The following KIR3DL2 variants were observed in gnomAD, a reference collection of about 807,000 sequenced individuals.
KIR3DL2 encodes killer cell immunoglobulin like receptor, three Ig domains and long cytoplasmic tail 2, also known as killer cell immunoglobulin-like receptor 3DL2.
In KIR3DL2, 42 loss-of-function variants were observed where a neutral mutation model predicts 41.6. The observed-to-expected ratio is 1.01, with a 90% CI of 0.79 to 1.31. The LOEUF (loss-of-function observed/expected upper bound fraction) is 1.31, where lower values mean the gene tolerates loss of function less well. KIR3DL2 is among the 50% of genes most tolerant of loss of function. The pLI, the probability that KIR3DL2 is intolerant of heterozygous loss-of-function variation, is 0.00. For synonymous variants in KIR3DL2, 230 were observed against 221.3 expected (o/e 1.04, Z -0.35); for missense variants, 728 against 576.8 (o/e 1.26, Z -2.68).
intron 4 of KIR3DL2, among the ~76,000 whole-genome samples, chr19:54,855,051 G>GATC (rs2145606856): frequency 1.2e-5 from 1 of 84,488 alleles, no homozygotes; most frequent in South Asian, 4.3e-4. Flanking sequence ...AGATGATGAT[G>GATC]ATGATGATGA....
In KIR3DL2 at chr19:54,851,098, G is replaced by A. The variant is rs1032879912; in HGVS notation, c.35-122G>A. ...CCCTGTTCTTGGCAGCAGGTAGCAG[G>A]GAGGCTAAGTTTACCTTCAGCCCAG... On this transcript the variant is annotated intron_variant, in intron 1 of 8. Coordinates refer to ENST00000326321, the MANE Select transcript of KIR3DL2 (RefSeq NM_006737.4). 11 of 1,229,816 alleles carry A rather than the reference G, an allele frequency of 8.9e-6. No individual in the cohort carries two copies. The African/African-American group carries it at 1.4e-4, about 15-fold the overall frequency. The allele number at this position is 1,229,816 out of a possible 1,614,324, so 76.2% of individuals were successfully genotyped here. A position where few individuals can be genotyped will look rare whatever the true frequency, so the allele number is the denominator to read the frequency against.
intron 4 of KIR3DL2, among the ~76,000 whole-genome samples, chr19:54,854,575 C>T (rs1231626853): frequency 6.6e-6 from 1 of 151,750 alleles, no homozygotes; most frequent in Non-Finnish European, 1.5e-5. Context: ...CCCCTAAATA[C>T]TGTGTGTACT....
chr19:54,856,101 C>T (rs2064755665), intron 5 of KIR3DL2, among the ~76,000 whole-genome samples, 189 bp downstream of exon 5: 1 of 151,392 alleles, frequency 6.6e-6, no homozygotes, highest in East Asian at 1.9e-4. Context: ...TGCATGGAGG[C>T]CCATGGTCAG....
rs372787529 is a variant in KIR3DL2, at chr19:54,852,011, A to G, written c.84A>G (p.Lys28=). 301 of 1,607,562 alleles carry G rather than the reference A, an allele frequency of 1.9e-4. 1 individual carries two copies. The highest frequency in any genetic ancestry group is 5.0e-4 in the Middle Eastern group (3 of 6,028). ...CTTCTCCCCCAGGTGGTCAGGACAAACCCTTCCTGTCTGCCCGGCCCAGCA... is the reference window on the plus strand; with the variant it reads ...CTTCTCCCCCAGGTGGTCAGGACAAGCCCTTCCTGTCTGCCCGGCCCAGCA... The part of the protein sequence containing the change: ...GAWPLMGGQD[K]PFLSARPSTV... Residue 28 remains lysine, a synonymous_variant, in exon 3 of 9, where the codon AAA becomes AAG. Coordinates refer to ENST00000326321, the MANE Select transcript of KIR3DL2 (RefSeq NM_006737.4).
intron 5 of KIR3DL2, among the ~76,000 whole-genome samples, chr19:54,856,244 G>A (rs1278387217): frequency 6.6e-6 from 1 of 151,400 alleles, no homozygotes; most frequent in Non-Finnish European, 1.5e-5. Context: ...GCCCATCCTG[G>A]CCTCTCACCC....
At position 54,859,131 on chromosome 19, in the gene KIR3DL2, T is replaced by C. The variant is rs1304500356; in HGVS notation, c.1000+2T>C. 1.3e-5 allele frequency: 21 copies of C among 1,611,906 alleles called. No homozygotes were observed. Among genetic ancestry groups the C allele is most frequent in the Non-Finnish European group, 5.9e-6 (7 of 1,178,344 alleles). Reference sequence around the variant, plus strand: ...CCACAGAACCAAGCTCCAAATCTGGTGAGTAAAGGACCCCTCTTATCTCTG... The same window carrying C: ...CCACAGAACCAAGCTCCAAATCTGGCGAGTAAAGGACCCCTCTTATCTCTG... On this transcript the variant is annotated splice_donor_variant, in intron 6 of 8. Coordinates refer to ENST00000326321, the MANE Select transcript of KIR3DL2 (RefSeq NM_006737.4). LOFTEE classifies it high-confidence loss of function.
Position 54,854,024 on chromosome 19 carries a change from C to T in KIR3DL2, c.633C>T (p.Asp211=), listed in dbSNP as rs759090014. Residue 211 remains aspartate, a synonymous_variant, in exon 4 of 9, where the codon GAC becomes GAT. Transcript: ENST00000326321. ...HSPYQLSAPS[D]PLDIVITGLY... ...CCTATCAGTTGTCAGCTCCCAGTGA[C>T]CCCCTGGACATCGTGATCACAGGTG... 6.2e-6 allele frequency: 10 copies of T among 1,612,930 alleles called. No individual in the cohort carries two copies. Among genetic ancestry groups the T allele is most frequent in the East Asian group, 2.2e-5 (1 of 44,842 alleles).
intron 6 of KIR3DL2, among the ~76,000 whole-genome samples, chr19:54,863,485 G>T (rs1351030908): frequency 6.6e-6 from 1 of 152,018 alleles, no homozygotes; most frequent in Non-Finnish European, 1.5e-5. Flanking sequence ...GTGTAAAAGT[G>T]TTCCTATTTC....
At chr19:54,862,802 C>CTTTTTTTTTTTTTTT (rs1210198153) in intron 6 of KIR3DL2, among the ~76,000 whole-genome samples, 13 of 79,778 alleles carry the variant, frequency 1.6e-4, no homozygotes, top group East Asian at 8.5e-4. Context: ...TGGGTTACTT[C>CTTTTTTTTTTTTTTT]TTTTTTTTTT....
intron 4 of KIR3DL2, among the ~76,000 whole-genome samples, chr19:54,854,959 T>C (rs1408667994): frequency 2.6e-5 from 4 of 151,382 alleles, no homozygotes; most frequent in Admixed American, 6.6e-5. Flanking sequence ...GATAGATAGA[T>C]ATAGATAGAT....
intron 4 of KIR3DL2, among the ~76,000 whole-genome samples, chr19:54,854,663 A>T (rs1333322992): frequency 2.2e-4 from 33 of 151,892 alleles, no homozygotes; most frequent in Non-Finnish European, 3.7e-4. Flanking sequence ...AGACACAGAG[A>T]TAAATCAGGG....
At chr19:54,855,962 C>T in intron 5 of KIR3DL2, 50 bp downstream of exon 5, 1 of 1,593,950 alleles carries the variant, frequency 6.3e-7, no homozygotes. Flanking sequence ...AGAGCCATAG[C>T]TGAGGAGCTT....
At chr19:54,857,141 T>G (rs1218621494) in intron 5 of KIR3DL2, among the ~76,000 whole-genome samples, 2 of 150,946 alleles carry the variant, frequency 1.3e-5, no homozygotes, top group African/African-American at 2.5e-5. Context: ...CAAGCTGGAG[T>G]CAAAGTGGTG....
intron 3 of KIR3DL2, 148 bp from the exon 4 acceptor site, chr19:54,853,599 C>G: frequency 1.1e-6 from 1 of 879,138 alleles, no homozygotes; most frequent in Non-Finnish European, 1.7e-6. Context: ...GGGACCTGCA[C>G]CAGGGGATAT....
At chr19:54,855,528 A>G (rs1319952213) in intron 4 of KIR3DL2, 91 bp from the exon 5 acceptor site, 1 of 1,515,916 alleles carries the variant, frequency 6.6e-7, no homozygotes, top group Non-Finnish European at 8.9e-7. Flanking sequence ...GCATTAGGTC[A>G]TAGAGCAGGG....
At chr19:54,851,893 G>A (rs367877972) in intron 2 of KIR3DL2, 105 bp from the exon 3 acceptor site, 7 of 1,417,034 alleles carry the variant, frequency 4.9e-6, no homozygotes, top group South Asian at 3.5e-5. Flanking sequence ...GCACCCAGGT[G>A]TGGTAGGAGC....
In KIR3DL2 at chr19:54,851,263, C is replaced by T. The variant is rs752062445; in HGVS notation, c.70+8C>T. The T allele has an allele frequency of 3.7e-6, 6 of 1,607,578 alleles. No homozygotes were observed. In the Admixed American group the frequency reaches 8.4e-5, roughly 22 times the overall value. On this transcript the variant is annotated splice_region_variant and intron_variant, in intron 2 of 8. Transcript: ENST00000326321. ...GGGCCTGGCCACTCATGGGTGAGTC[C>T]GTCCCCAAACCTTAGGGTGTCATCT...
Position 54,866,718 on chromosome 19 carries a change from A to C in KIR3DL2, c.1355A>C (p.Glu452Ala), listed in dbSNP as rs193018967. ...CCACGAGCACCACAGTCAGGTCTTGAGGGGGTTTTCTAGGGAGACAACAGC... is the reference window on the plus strand; with the variant it reads ...CCACGAGCACCACAGTCAGGTCTTGCGGGGGTTTTCTAGGGAGACAACAGC... ...SCPRAPQSGL[E>A]GVF Residue 452 changes from glutamate to alanine, a missense_variant, in exon 9 of 9, where the codon GAG becomes GCG. Transcript: ENST00000326321. The C allele has an allele frequency of 5.6e-5, 90 of 1,613,824 alleles. No individual in the cohort carries two copies. The East Asian group carries it at 1.9e-3, about 34-fold the overall frequency.
At chr19:54,860,752 G>A (rs1355687487) in intron 6 of KIR3DL2, among the ~76,000 whole-genome samples, 1 of 144,854 alleles carries the variant, frequency 6.9e-6, no homozygotes, top group Non-Finnish European at 1.5e-5. Flanking sequence ...TCAGATATTT[G>A]TGACATTAAT....
Sources: allele counts gnomAD v4.1 joint callset (sites outside exome capture counted in the v4.1 genomes callset), GRCh38; gene constraint gnomAD v4.1.1; transcripts MANE v1.5; gene names NCBI Gene and HGNC (gene_info 2026-07-23, HGNC 2026-07-21).